ASAH1: variants seen among roughly 807,000 people sequenced by gnomAD.
ASAH1 encodes N-acylsphingosine amidohydrolase 1.
In ASAH1, 70 loss-of-function variants were observed where a neutral mutation model predicts 59.5. The ratio of observed to expected loss-of-function variants is 1.18; its 90% confidence interval spans 0.97 to 1.43. The LOEUF (loss-of-function observed/expected upper bound fraction) is 1.43. ASAH1 is among the 40% of genes most tolerant of loss of function. The pLI is 0.00. For synonymous variants in ASAH1, 213 were observed against 166.5 expected, an observed-to-expected ratio of 1.28 and a Z score of -2.15; for missense variants, 660 against 482.5, an observed-to-expected ratio of 1.37 and a Z score of -3.45.
At chr8:18,077,516 G>A (rs1800461213) in intron 1 of ASAH1, among the ~76,000 whole-genome samples, 1 of 152,114 alleles carries the variant, frequency 6.6e-6, no homozygotes, top group South Asian at 2.1e-4. Flanking sequence ...CTTCAAACTT[G>A]GCAATGATCA....
chr8:18,067,161 TG>T, intron 5 of ASAH1, 58 bp downstream of exon 5: 1 of 1,018,302 alleles, frequency 9.8e-7, no homozygotes, highest in Non-Finnish European at 1.4e-6. Context: ...CACACCTCAA[TG>T]GAAACTTGTA....
At chr8:18,083,956 T>A (rs1379267634) in intron 1 of ASAH1, 25 bp downstream of exon 1, 1 of 1,593,798 alleles carries the variant, frequency 6.3e-7, no homozygotes, top group East Asian at 2.2e-5. Flanking sequence ...CGCCCCTCTC[T>A]GCGCCTCGGC....
intron 13 of ASAH1, 66 bp downstream of exon 13, chr8:18,058,769 G>GA (rs1257754249): frequency 1.5e-6 from 2 of 1,372,418 alleles, no homozygotes; most frequent in African/African-American, 2.9e-5. Context: ...AGATAACAGA[G>GA]AAAGATAAAA....
At chr8:18,062,076 C>T in intron 8 of ASAH1, 1 of 693,280 alleles carries the variant, frequency 1.4e-6, no homozygotes, top group South Asian at 1.9e-5. Flanking sequence ...GCTCTTTATC[C>T]CAGAAGAGGC....
At chr8:18,066,946 T>C (rs1799951193) in intron 5 of ASAH1, 5 of 391,262 alleles carry the variant, frequency 1.3e-5, no homozygotes, top group Non-Finnish European at 4.6e-6. Context: ...TATAGTGACA[T>C]CAGAATAGTG....
chr8:18,072,938 T>G (rs1185173468), intron 2 of ASAH1, among the ~76,000 whole-genome samples: 2 of 152,040 alleles, frequency 1.3e-5, no homozygotes, highest in Non-Finnish European at 2.9e-5. Flanking sequence ...CGCCATAAAT[T>G]CCTGATTCTT....
chr8:18,062,509 G>C, intron 7 of ASAH1, 86 bp from the exon 8 acceptor site: 1 of 1,448,712 alleles, frequency 6.9e-7, no homozygotes. Context: ...ATTACACTAG[G>C]AGCTTTATTT....
rs1272911409 is a variant in ASAH1, at chr8:18,071,393, G to A, written c.126-3C>T. 1 of 1,553,098 alleles carries A rather than the reference G, an allele frequency of 6.4e-7. No individual in the cohort carries two copies. Among genetic ancestry groups the A allele is most frequent in the South Asian group, 1.1e-5 (1 of 87,562 alleles). ...ACCATGGAACTGCACCTCTGTACCT[G>A]TAATGAGAGGTGTATCATCTTGAAA... On this transcript the variant is annotated splice_region_variant and splice_polypyrimidine_tract_variant and intron_variant, in intron 2 of 13. Coordinates refer to ENST00000637790, the MANE Select transcript of ASAH1 (RefSeq NM_177924.5).
chr8:18,074,094 T>G (rs34288580), intron 2 of ASAH1, among the ~76,000 whole-genome samples: 17,585 of 152,108 alleles, frequency 0.12, 1,162 homozygotes, highest in African/African-American at 0.17. Context: ...TAGACACATG[T>G]AAAGTGCACC....
intron 3 of ASAH1, among the ~76,000 whole-genome samples, 160 bp downstream of exon 3, chr8:18,071,140 G>T (rs1362394283): frequency 6.6e-6 from 1 of 151,942 alleles, no homozygotes; most frequent in Non-Finnish European, 1.5e-5. Context: ...CCAGGAGGCG[G>T]AGGTTGCGGC....
rs189008507 is a variant in ASAH1 at position 18,059,351 on chromosome 8, G to C, written c.1031C>G (p.Thr344Ser). 1.2e-6 allele frequency: 2 copies of C among 1,614,222 alleles called. No homozygotes were observed. Among genetic ancestry groups the C allele is most frequent in the Admixed American group, 1.7e-5 (1 of 60,028 alleles). The stretch of plus-strand genomic sequence containing the variant: ...ACCCTGCAAAGGTACCTCTTGGCTG[G>C]TGCGGTTCAGACACATCTTTGCAGG... ...RTPAKMCLNR[T>S]SQENISFETM... Residue 344 changes from threonine (T) to serine (S), a missense_variant, in exon 12 of 14, where the codon ACC becomes AGC. Physicochemically the swap from Thr to Ser is moderately conservative, Grantham distance 58 (BLOSUM62 1). Transcript: ENST00000637790.
chr8:18,064,699 T>C, intron 5 of ASAH1, 168 bp from the exon 6 acceptor site: 3 of 587,092 alleles, frequency 5.1e-6, no homozygotes, highest in South Asian at 2.2e-5. Flanking sequence ...GCCTGGACTC[T>C]CTAGACTCAA....
At chr8:18,079,288 A>C (rs1300564373) in intron 1 of ASAH1, among the ~76,000 whole-genome samples, 4 of 151,460 alleles carry the variant, frequency 2.6e-5, no homozygotes, top group Admixed American at 1.3e-4. Flanking sequence ...AAAAAAAAAA[A>C]CAAAAAACTC....
Position 18,057,582 on chromosome 8 carries a change from T to C in ASAH1, c.1140A>G (p.Gln380=), listed in dbSNP as rs759594722. 2.5e-6 allele frequency: 4 copies of C among 1,605,028 alleles called. No individual in the cohort carries two copies. The highest frequency in any genetic ancestry group is 1.1e-5 in the South Asian group (1 of 90,988). Residue 380 remains glutamine (Q), a synonymous_variant, in exon 14 of 14, where the codon CAA becomes CAG. Coordinates refer to ENST00000637790, the MANE Select transcript of ASAH1 (RefSeq NM_177924.5). ...YTTLIDVTKG[Q]FETYLRDCPD... is the part of the protein sequence containing the mutation. Reference sequence around the variant, plus strand: ...GGCAGTCCCGCAGGTAAGTTTCGAATTGACCTTTGGTAACATCTATCAAGG... The same window carrying C: ...GGCAGTCCCGCAGGTAAGTTTCGAACTGACCTTTGGTAACATCTATCAAGG...
At chr8:18,084,138 C>A, upstream of ASAH1, 2 of 1,575,084 alleles carry the variant, frequency 1.3e-6, no homozygotes, top group South Asian at 1.1e-5. Flanking sequence ...GGCCACGCCC[C>A]CTCCGCCGCG....
At position 18,058,820 on chromosome 8, in the gene ASAH1, T is replaced by A; in HGVS notation, c.1098+15A>T. ...TTTCCCTAAAAGGCAAATATACATA[T>A]AACATTTAAAATACCTTGTTGAGGA... On this transcript the variant is annotated intron_variant, in intron 13 of 13. Coordinates refer to ENST00000637790, the MANE Select transcript of ASAH1 (RefSeq NM_177924.5). 1 of 1,599,752 alleles carries A rather than the reference T, an allele frequency of 6.3e-7. No individual in the cohort carries two copies. Among genetic ancestry groups the A allele is most frequent in the Non-Finnish European group, 8.6e-7 (1 of 1,166,958 alleles).
At position 18,062,443 on chromosome 8, in the gene ASAH1, G is replaced by C; in HGVS notation, c.504-20C>G. 1 of 1,613,552 alleles carries C rather than the reference G, an allele frequency of 6.2e-7. No individual in the cohort carries two copies. The highest frequency in any genetic ancestry group is 1.1e-5 in the South Asian group (1 of 91,056). On this transcript the variant is annotated intron_variant, in intron 7 of 13. Transcript: ENST00000637790. ...TTCCACCTATAAAAGACATGTTTCA[G>C]TGACATTTCAGAAACACAGTGATAG...
chr8:18,059,682 T>C lies in ASAH1; in HGVS notation c.807A>G (p.Leu269=). 2 of 1,614,186 alleles carry C rather than the reference T, an allele frequency of 1.2e-6. No homozygotes were observed. The highest frequency in any genetic ancestry group is 1.7e-6 in the Non-Finnish European group (2 of 1,180,002). ...GGGCCAATATCTTGGTCTTGGTCAA[T>C]AAATTCTTGGCTTCTTCATAACTAT... ...NSTSYEEAKN[L]LTKTKILAPA... Residue 269 remains leucine (L), a synonymous_variant, in exon 11 of 14, where the codon TTA becomes TTG. Coordinates refer to ENST00000637790, the MANE Select transcript of ASAH1 (RefSeq NM_177924.5).
upstream of ASAH1, chr8:18,084,926 A>G (rs1321544425): frequency 1.4e-6 from 2 of 1,398,492 alleles, no homozygotes; most frequent in Non-Finnish European, 2.0e-6. Context: ...CCATCCGTGG[A>G]CACAGTCGCG....
Sources: gnomAD v4.1 joint callset for allele counts (sites outside exome capture counted in the v4.1 genomes callset) on GRCh38, gnomAD v4.1.1 for gene constraint, MANE v1.5 for transcripts, NCBI Gene and HGNC (gene_info 2026-07-23, HGNC 2026-07-21) for gene names.